Variants in EVI5 observed in about 807,000 individuals in gnomAD.
EVI5 encodes the protein ecotropic viral integration site 5.
Under a neutral mutation model 112.0 loss-of-function variants are expected in EVI5, and 73 were observed. That is an observed-to-expected ratio of 0.65 (90% confidence interval 0.54 to 0.79). The LOEUF is 0.79. EVI5 is among the 30% of genes least tolerant of loss of function. The pLI is 0.00. For synonymous variants in EVI5, 305 were observed against 319.9 expected, an observed-to-expected ratio of 0.95 and a Z score of 0.50; for missense variants, 900 against 968.8, an observed-to-expected ratio of 0.93 and a Z score of 0.94.
In EVI5 at chr1:92,512,769, G is replaced by T. The variant is rs1038148520; in HGVS notation, c.*887C>A. 1 of 151,766 alleles carries T rather than the reference G, an allele frequency of 6.6e-6. No individual in the cohort carries two copies. Among genetic ancestry groups the T allele is most frequent in the Non-Finnish European group, 1.5e-5 (1 of 67,964 alleles). The allele number at this position is 151,766 out of a possible 1,614,324, so 9.4% of individuals were successfully genotyped here. A position where few individuals can be genotyped will look rare whatever the true frequency, so the allele number is the denominator to read the frequency against. On this transcript the variant is annotated 3_prime_UTR_variant, in exon 20 of 20. Coordinates refer to ENST00000684568, the MANE Select transcript of EVI5 (RefSeq NM_001350197.2). ...GTTTATAAAATTATATAGAATAAAG[G>T]CTTTGTGTGTGGGGACTTTCAGTGG...
intron 18 of EVI5, among the ~76,000 whole-genome samples, chr1:92,601,393 A>C (rs1649140320): frequency 6.6e-6 from 1 of 152,246 alleles, no homozygotes; most frequent in East Asian, 1.9e-4. Context: ...AGTATGTTGA[A>C]AAGATATCTG....
In EVI5 at chr1:92,565,948, CA is replaced by C. The variant is rs71586755; in HGVS notation, c.2071-2212del. ...TTGCGCCACTGCATTCCAGCCCGAGCAAAAAAAAAAAAAAAAAAAAGAAATG... is the reference window on the plus strand; with the variant it reads ...TTGCGCCACTGCATTCCAGCCCGAGCAAAAAAAAAAAAAAAAAAAGAAATG... On this transcript the variant is annotated intron_variant, in intron 18 of 19. Transcript: ENST00000684568. Among the ~76,000 whole-genome samples, 106 of 51,872 alleles carry C rather than the reference CA, an allele frequency of 2.0e-3. 2 individuals carry two copies. The South Asian group carries it at 0.021, about 10-fold the overall frequency. The allele number at this position is 51,872 out of a possible 152,430, so 34.0% of individuals were successfully genotyped here. A position where few individuals can be genotyped will look rare whatever the true frequency, so the allele number is the denominator to read the frequency against.
intron 1 of EVI5, among the ~76,000 whole-genome samples, chr1:92,769,811 C>T (rs1168182002): frequency 2.6e-5 from 4 of 151,986 alleles, no homozygotes; most frequent in African/African-American, 7.3e-5. Context: ...GGCATGAACC[C>T]GAGAGGCAGA....
chr1:92,605,918 T>A (rs74102923), intron 17 of EVI5, among the ~76,000 whole-genome samples: 13,093 of 152,260 alleles, frequency 0.086, 1,602 homozygotes, highest in African/African-American at 0.27. Flanking sequence ...ACGGACTGGC[T>A]TTCTTGAAAA....
chr1:92,589,982 G>A (rs542507395), intron 18 of EVI5, among the ~76,000 whole-genome samples: 35 of 152,272 alleles, frequency 2.3e-4, no homozygotes, highest in African/African-American at 7.5e-4. Context: ...TGCAGCCTCC[G>A]CTGCTGATAT....
intron 17 of EVI5, among the ~76,000 whole-genome samples, chr1:92,606,913 C>T (rs935855621): frequency 2.0e-5 from 2 of 101,464 alleles, no homozygotes; most frequent in Non-Finnish European, 4.3e-5. Context: ...CACACACACA[C>T]ACACACACAC....
chr1:92,724,027 G>A (rs1161703248), intron 2 of EVI5, among the ~76,000 whole-genome samples: 1 of 152,160 alleles, frequency 6.6e-6, no homozygotes, highest in African/African-American at 2.4e-5. Context: ...CCTGTTTCCT[G>A]TTAAGATGTT....
chr1:92,747,767 T>C (rs1370853407), intron 1 of EVI5, among the ~76,000 whole-genome samples: 9 of 149,476 alleles, frequency 6.0e-5, no homozygotes. Context: ...GTCTCACAGT[T>C]CTGGAGGCTA....
intron 19 of EVI5, among the ~76,000 whole-genome samples, chr1:92,535,576 C>A (rs747105855): frequency 5.1e-4 from 78 of 152,168 alleles, no homozygotes; most frequent in Admixed American, 7.2e-4. Flanking sequence ...TACCTTGCAG[C>A]CATAAAAAAA....
intron 18 of EVI5, among the ~76,000 whole-genome samples, chr1:92,565,562 G>A (rs1341231476): frequency 6.6e-6 from 1 of 152,124 alleles, no homozygotes; most frequent in Non-Finnish European, 1.5e-5. Context: ...ATCACAGTCA[G>A]AAGGGACCTT....
At chr1:92,588,219 T>A (rs1448422047) in intron 18 of EVI5, among the ~76,000 whole-genome samples, 1 of 152,236 alleles carries the variant, frequency 6.6e-6, no homozygotes, top group African/African-American at 2.4e-5. Flanking sequence ...ACAGCTTAAA[T>A]GTCATCTAAC....
At chr1:92,692,131 T>C (rs75740605) in intron 9 of EVI5, among the ~76,000 whole-genome samples, 1 of 152,150 alleles carries the variant, frequency 6.6e-6, no homozygotes, top group African/African-American at 2.4e-5. Context: ...TCTAGAGATC[T>C]TGATAAAGCA....
chr1:92,551,428 A>G (rs1205628152), intron 19 of EVI5, among the ~76,000 whole-genome samples: 2 of 152,172 alleles, frequency 1.3e-5, no homozygotes, highest in African/African-American at 4.8e-5. Context: ...GATGAAGAGT[A>G]GGAATAATCA....
At chr1:92,590,482 A>G (rs1051649846) in intron 18 of EVI5, among the ~76,000 whole-genome samples, 2 of 152,238 alleles carry the variant, frequency 1.3e-5, no homozygotes, top group African/African-American at 2.4e-5. Context: ...AAGCCTCAGT[A>G]GCCGATTCGG....
rs191777519 is a variant in EVI5, at chr1:92,524,779, C to T, written c.2167-10809G>A. Among the ~76,000 whole-genome samples the T allele has an allele frequency of 1.6e-4, 24 of 151,574 alleles. No individual in the cohort carries two copies. In the East Asian group the frequency reaches 3.9e-3, roughly 24 times the overall value. ...CCATATTCTTTAAGGAATAACATGT[C>T]TACCCTTAGGAATATAGTCTTAGTT... On this transcript the variant is annotated intron_variant, in intron 19 of 19. Coordinates refer to ENST00000684568, the MANE Select transcript of EVI5 (RefSeq NM_001350197.2).
chr1:92,550,813 T>TATAA (rs1346523555), intron 19 of EVI5, among the ~76,000 whole-genome samples: 76 of 80,110 alleles, frequency 9.5e-4, no homozygotes, highest in African/African-American at 1.9e-3. Context: ...TATATATATA[T>TATAA]AACAAAAAAA....
At chr1:92,637,593 A>T (rs1182611036) in intron 13 of EVI5, among the ~76,000 whole-genome samples, 1 of 152,200 alleles carries the variant, frequency 6.6e-6, no homozygotes, top group Non-Finnish European at 1.5e-5. Context: ...GTAATTCATC[A>T]TTATAAAATA....
intron 6 of EVI5, among the ~76,000 whole-genome samples, chr1:92,696,256 A>G (rs1670303394): frequency 6.6e-6 from 1 of 152,100 alleles, no homozygotes; most frequent in African/African-American, 2.4e-5. Flanking sequence ...AATTGAAAAT[A>G]TAACATTAAG....
intron 9 of EVI5, among the ~76,000 whole-genome samples, chr1:92,683,666 G>T (rs769070674): frequency 3.3e-5 from 5 of 152,126 alleles, no homozygotes; most frequent in Admixed American, 6.5e-5. Flanking sequence ...CTTGAAAAAA[G>T]GTTAGATGAT....
Sources: gnomAD v4.1 joint callset for allele counts (sites outside exome capture counted in the v4.1 genomes callset) on GRCh38, gnomAD v4.1.1 for gene constraint, MANE v1.5 for transcripts, NCBI Gene and HGNC (gene_info 2026-07-23, HGNC 2026-07-21) for gene names.